NRXN1: variants seen among roughly 807,000 people sequenced by gnomAD.
The protein encoded by NRXN1 is neurexin-1.
In NRXN1, 39 loss-of-function variants were observed where a neutral mutation model predicts 150.9. The ratio of observed to expected loss-of-function variants is 0.26; its 90% CI spans 0.20 to 0.34. The LOEUF (loss-of-function observed/expected upper bound fraction) is 0.34. NRXN1 is among the 10% of genes least tolerant of loss of function. NRXN1 has a pLI of 1.00. For missense variants in NRXN1, 1,815 were observed against 1,949.9 expected (o/e 0.93, Z 1.30); for synonymous variants, 924 against 757.0 (o/e 1.22, Z -3.62).
chr2:50,997,911 C>T (rs1034705429), intron 2 of NRXN1, among the ~76,000 whole-genome samples: 2 of 141,388 alleles, frequency 1.4e-5, no homozygotes, highest in African/African-American at 6.0e-5. Flanking sequence ...ATTGATGATA[C>T]ACTGGTAGGT....
At chr2:50,039,918 G>A (rs1690657556) in intron 21 of NRXN1, among the ~76,000 whole-genome samples, 1 of 152,124 alleles carries the variant, frequency 6.6e-6, no homozygotes, top group Non-Finnish European at 1.5e-5. Context: ...GATCCTAGAG[G>A]TGGAAAAATT....
At chr2:50,392,531 G>T (rs556129056) in intron 17 of NRXN1, among the ~76,000 whole-genome samples, 198 of 152,200 alleles carry the variant, frequency 1.3e-3, no homozygotes, top group African/African-American at 4.5e-3. Flanking sequence ...ACAAAGATAT[G>T]CAAATATTAA....
chr2:49,988,205 G>A (rs1271214721), intron 21 of NRXN1, among the ~76,000 whole-genome samples: 2 of 151,564 alleles, frequency 1.3e-5, no homozygotes, highest in African/African-American at 4.9e-5. Flanking sequence ...TAATTTCTTT[G>A]ACTCTTTGAA....
At chr2:50,094,876 A>G (rs1190503982) in intron 18 of NRXN1, among the ~76,000 whole-genome samples, 1 of 152,122 alleles carries the variant, frequency 6.6e-6, no homozygotes, top group South Asian at 2.1e-4. Context: ...ATGGAATTGC[A>G]GGTAAATTCT....
intron 18 of NRXN1, among the ~76,000 whole-genome samples, chr2:50,227,383 G>A (rs1006751313): frequency 6.6e-6 from 1 of 152,042 alleles, no homozygotes; most frequent in Non-Finnish European, 1.5e-5. Context: ...GGGAGCCCAT[G>A]CCCATCTCTG....
Position 50,788,098 on chromosome 2 carries a change from C to CT in NRXN1, c.832+133770dup, listed in dbSNP as rs35777257. ...TGCTTTATTATCTTCCCCTCGCCAC[C>CT]TTTTTTTTTTTTGAGACTTGCTCTG... On this transcript the variant is annotated intron_variant, in intron 5 of 22. Transcript: ENST00000401669. Among the ~76,000 whole-genome samples, 475 of 144,668 alleles carry CT rather than the reference C, an allele frequency of 3.3e-3. 1 individual carries two copies. Among genetic ancestry groups the CT allele is most frequent in the South Asian group, 7.3e-3 (33 of 4,538 alleles). The allele number at this position is 144,668 out of a possible 152,430, so 94.9% of individuals were successfully genotyped here. A position where few individuals can be genotyped will look rare whatever the true frequency, so the allele number is the denominator to read the frequency against.
chr2:50,319,046 T>A (rs2075824489), intron 17 of NRXN1, among the ~76,000 whole-genome samples: 1 of 152,110 alleles, frequency 6.6e-6, no homozygotes, highest in East Asian at 1.9e-4. Context: ...TCTTTTAAAC[T>A]AAATGTTTAA....
At chr2:50,648,384 C>A (rs574233514) in intron 5 of NRXN1, among the ~76,000 whole-genome samples, 1 of 152,114 alleles carries the variant, frequency 6.6e-6, no homozygotes, top group South Asian at 2.1e-4. Context: ...TTTAGCCAGG[C>A]TGACAAAATT....
At chr2:50,422,898 T>A (rs1277559395) in intron 17 of NRXN1, among the ~76,000 whole-genome samples, 1 of 152,180 alleles carries the variant, frequency 6.6e-6, no homozygotes, top group Non-Finnish European at 1.5e-5. Flanking sequence ...CAGTTTTATA[T>A]GAAAGTGCAC....
intron 18 of NRXN1, among the ~76,000 whole-genome samples, chr2:50,151,023 G>A (rs1468572456): frequency 6.6e-6 from 1 of 151,702 alleles, no homozygotes; most frequent in Non-Finnish European, 1.5e-5. Context: ...AGGGGCTAAA[G>A]ATTTATGCAA....
intron 18 of NRXN1, among the ~76,000 whole-genome samples, chr2:50,217,147 C>T (rs1227631809): frequency 6.6e-6 from 1 of 152,042 alleles, no homozygotes; most frequent in Non-Finnish European, 1.5e-5. Context: ...GTAGCAAAAA[C>T]AGCACCTCCT....
intron 22 of NRXN1, chr2:49,926,467 A>G: frequency 2.5e-6 from 1 of 397,708 alleles, no homozygotes; most frequent in Non-Finnish European, 4.4e-6. Context: ...TTCGGTAAAC[A>G]CGAGCTATCA....
intron 8 of NRXN1, among the ~76,000 whole-genome samples, chr2:50,573,233 T>C (rs1418185926): frequency 1.3e-5 from 2 of 151,908 alleles, no homozygotes; most frequent in African/African-American, 4.8e-5. Context: ...CATGGTGATG[T>C]GCATCTGCAG....
intron 21 of NRXN1, among the ~76,000 whole-genome samples, chr2:50,025,452 C>T (rs956622105): frequency 4.6e-5 from 7 of 152,074 alleles, no homozygotes; most frequent in Non-Finnish European, 8.8e-5. Flanking sequence ...TTTAGATAGG[C>T]ACATAAATGA....
At chr2:50,452,419 G>A (rs1157265361) in intron 17 of NRXN1, among the ~76,000 whole-genome samples, 3 of 152,128 alleles carry the variant, frequency 2.0e-5, no homozygotes, top group African/African-American at 4.8e-5. Context: ...TAAAGACAAG[G>A]CAAACCAAAT....
At chr2:50,442,853 G>C (rs1212463551) in intron 17 of NRXN1, among the ~76,000 whole-genome samples, 2 of 152,168 alleles carry the variant, frequency 1.3e-5, no homozygotes, top group African/African-American at 4.8e-5. Flanking sequence ...AACCATGTGT[G>C]TTTAGTGCCT....
At chr2:50,727,382 C>T (rs72887585) in intron 5 of NRXN1, among the ~76,000 whole-genome samples, 1,985 of 152,210 alleles carry the variant, frequency 0.013, 52 homozygotes, top group African/African-American at 0.045. Context: ...TCAATAAATG[C>T]TTCAATTATG....
At chr2:50,926,182 C>G (rs1267302083) in intron 2 of NRXN1, among the ~76,000 whole-genome samples, 1 of 151,886 alleles carries the variant, frequency 6.6e-6, no homozygotes, top group East Asian at 1.9e-4. Context: ...CTGCCATGCC[C>G]TGTGCAAAGA....
chr2:49,997,351 G>A, intron 21 of NRXN1, among the ~76,000 whole-genome samples: 1 of 152,114 alleles, frequency 6.6e-6, no homozygotes, highest in East Asian at 1.9e-4. Context: ...TTTGACATAG[G>A]TTGCTGGAAG....
Sources: allele counts gnomAD v4.1 joint callset (sites outside exome capture counted in the v4.1 genomes callset), GRCh38; gene constraint gnomAD v4.1.1; transcripts MANE v1.5; gene names NCBI Gene and HGNC (gene_info 2026-07-23, HGNC 2026-07-21).